GALM: variants seen among roughly 807,000 people sequenced by gnomAD.
The protein encoded by GALM is aldose 1-epimerase.
In GALM, 43 loss-of-function variants were observed where a neutral mutation model predicts 37.4. The observed-to-expected ratio is 1.15, with a 90% confidence interval of 0.90 to 1.48. GALM has a LOEUF of 1.48. Among genes scored for constraint, GALM ranks in the 40% most tolerant of loss-of-function variants. The pLI is 0.00. For missense variants in GALM, 456 were observed against 419.1 expected (o/e 1.09, Z -0.77); for synonymous variants, 199 against 170.6 (o/e 1.17, Z -1.30).
chr2:38,690,743 C>G (rs1315282068), intron 4 of GALM, among the ~76,000 whole-genome samples: 1 of 152,088 alleles, frequency 6.6e-6, no homozygotes, highest in Non-Finnish European at 1.5e-5. Flanking sequence ...ACTTTGGCCT[C>G]TTTAATGGGT....
At chr2:38,725,013 TTA>T (rs930623978) in intron 4 of GALM, among the ~76,000 whole-genome samples, 1 of 152,164 alleles carries the variant, frequency 6.6e-6, no homozygotes, top group Non-Finnish European at 1.5e-5. Flanking sequence ...TAGTTATACT[TTA>T]AGGGAGATAA....
At chr2:38,721,908 C>T (rs1666383081) in intron 4 of GALM, among the ~76,000 whole-genome samples, 1 of 152,070 alleles carries the variant, frequency 6.6e-6, no homozygotes, top group Non-Finnish European at 1.5e-5. Context: ...GTCTTTGCAA[C>T]CTTCCATGAT....
At chr2:38,666,596 G>A (rs1409447596) in intron 1 of GALM, among the ~76,000 whole-genome samples, 7 of 152,238 alleles carry the variant, frequency 4.6e-5, no homozygotes, top group African/African-American at 1.7e-4. Context: ...CCCAGTTAAC[G>A]TAAAAGGTCA....
At chr2:38,688,394 C>T (rs1017134279) in intron 3 of GALM, among the ~76,000 whole-genome samples, 3 of 152,008 alleles carry the variant, frequency 2.0e-5, no homozygotes, top group Non-Finnish European at 4.4e-5. Flanking sequence ...GCCTGTAATC[C>T]CAGCTACTAG....
At chr2:38,729,069 T>C (rs1666543450) in intron 4 of GALM, among the ~76,000 whole-genome samples, 1 of 152,218 alleles carries the variant, frequency 6.6e-6, no homozygotes, top group South Asian at 2.1e-4. Flanking sequence ...CCCCTACTGA[T>C]ACTTAAATCA....
intron 3 of GALM, among the ~76,000 whole-genome samples, chr2:38,686,393 G>C: frequency 6.6e-6 from 1 of 151,682 alleles, no homozygotes; most frequent in East Asian, 1.9e-4. Context: ...AGCCTCCCGA[G>C]TAGCTGGGAC....
chr2:38,670,465 C>A (rs13420732), intron 1 of GALM, among the ~76,000 whole-genome samples: 1 of 152,136 alleles, frequency 6.6e-6, no homozygotes, highest in Non-Finnish European at 1.5e-5. Context: ...TCGCTCACGC[C>A]CAGGAGCACC....
intron 4 of GALM, among the ~76,000 whole-genome samples, chr2:38,705,876 C>T (rs551201207): frequency 2.0e-5 from 3 of 152,196 alleles, no homozygotes; most frequent in South Asian, 4.2e-4. Flanking sequence ...CTTGTGCTGT[C>T]GCCCAGGCTG....
chr2:38,691,553 A>G (rs902305382), intron 4 of GALM, among the ~76,000 whole-genome samples: 1 of 151,904 alleles, frequency 6.6e-6, no homozygotes, highest in Admixed American at 6.6e-5. Context: ...GTGTGGTAAC[A>G]CGCACCTGGG....
intron 4 of GALM, among the ~76,000 whole-genome samples, chr2:38,720,195 G>C (rs1194076545): frequency 1.3e-5 from 2 of 152,042 alleles, no homozygotes; most frequent in African/African-American, 4.8e-5. Flanking sequence ...CTAGGTGACA[G>C]AGTGAGACCT....
chr2:38,726,851 A>G (rs1666496057), intron 4 of GALM, among the ~76,000 whole-genome samples: 2 of 151,632 alleles, frequency 1.3e-5, no homozygotes, highest in African/African-American at 4.8e-5. Context: ...AGCCGAGATC[A>G]CGCCACTGCA....
chr2:38,702,915 TTA>T (rs200308718), intron 4 of GALM, among the ~76,000 whole-genome samples: 12,311 of 139,130 alleles, frequency 0.088, 759 homozygotes, highest in East Asian at 0.34. Context: ...TACACTTTAT[TTA>T]TATATATATA....
At chr2:38,706,624 G>C (rs1432857055) in intron 4 of GALM, among the ~76,000 whole-genome samples, 1 of 151,650 alleles carries the variant, frequency 6.6e-6, no homozygotes, top group Non-Finnish European at 1.5e-5. Context: ...AGTTTGCAGT[G>C]AATTGTGATC....
chr2:38,733,690 TGTTCTGAG>T lies in GALM; in HGVS notation c.*126_*133del. The T allele has an allele frequency of 2.6e-6, 2 of 771,174 alleles. No individual in the cohort carries two copies. The highest frequency in any genetic ancestry group is 2.9e-5 in the South Asian group (2 of 68,892). The allele number at this position is 771,174 out of a possible 1,614,324, so 47.8% of individuals were successfully genotyped here. On this transcript the variant is annotated 3_prime_UTR_variant, in exon 7 of 7. Transcript: ENST00000272252. ...GGATTAAAATCATACAAATGGTGGCTGTTCTGAGAATCAGTCTGGGTATTGATTTCCTT... is the reference window on the plus strand; with the variant it reads ...GGATTAAAATCATACAAATGGTGGCTAATCAGTCTGGGTATTGATTTCCTT...
At chr2:38,721,640 A>G (rs1362516207) in intron 4 of GALM, among the ~76,000 whole-genome samples, 1 of 151,930 alleles carries the variant, frequency 6.6e-6, no homozygotes, top group Non-Finnish European at 1.5e-5. Flanking sequence ...CAGCCTCCCT[A>G]GTAGCTGGGA....
At chr2:38,713,175 C>T (rs148606293) in intron 4 of GALM, among the ~76,000 whole-genome samples, 22 of 152,258 alleles carry the variant, frequency 1.4e-4, no homozygotes, top group African/African-American at 5.1e-4. Flanking sequence ...CCGGAGCCTA[C>T]CCAAGCTGCT....
At chr2:38,729,803 C>T in intron 5 of GALM, 106 bp downstream of exon 5, 1 of 918,668 alleles carries the variant, frequency 1.1e-6, no homozygotes, top group Non-Finnish European at 1.7e-6. Flanking sequence ...TACTATGCTA[C>T]AAGTGACCCA....
chr2:38,706,947 A>G (rs546870684), intron 4 of GALM, among the ~76,000 whole-genome samples: 40 of 152,032 alleles, frequency 2.6e-4, no homozygotes, highest in Non-Finnish European at 4.7e-4. Context: ...CAGGTGGAAG[A>G]AGGCAGTTTA....
intron 5 of GALM, 83 bp downstream of exon 5, chr2:38,729,780 TA>T: frequency 8.9e-7 from 1 of 1,128,708 alleles, no homozygotes; most frequent in Non-Finnish European, 1.3e-6. Flanking sequence ...CCTCTGGCCA[TA>T]TCAATAGCAT....
Sources: allele counts gnomAD v4.1 joint callset (sites outside exome capture counted in the v4.1 genomes callset), GRCh38; gene constraint gnomAD v4.1.1; transcripts MANE v1.5; gene names NCBI Gene and HGNC (gene_info 2026-07-23, HGNC 2026-07-21).